The following SLC22A23 variants were observed in gnomAD, a reference collection of about 807,000 sequenced individuals.
The protein encoded by SLC22A23 is ion transporter protein.
SLC22A23 carries 26 observed loss-of-function variants against 61.0 expected under a neutral mutation model. The ratio of observed to expected loss-of-function variants is 0.43; its 90% CI spans 0.31 to 0.59. SLC22A23 has a LOEUF of 0.59. SLC22A23 is among the 20% of genes least tolerant of loss of function. The probability of loss-of-function intolerance (pLI) is 0.11; values close to 1 mark genes in which losing one functional copy is unlikely to be tolerated. For missense variants in SLC22A23, 796 were observed against 934.7 expected (o/e 0.85, Z 1.94); for synonymous variants, 430 against 413.9 (o/e 1.04, Z -0.47).
chr6:3,380,640 G>A (rs947520251), intron 3 of SLC22A23, among the ~76,000 whole-genome samples: 4 of 147,510 alleles, frequency 2.7e-5, no homozygotes, highest in Admixed American at 6.7e-5. Flanking sequence ...CTCACATTAA[G>A]TTATTAAAAA....
chr6:3,340,783 T>C (rs1581716126), intron 3 of SLC22A23, among the ~76,000 whole-genome samples: 1 of 152,144 alleles, frequency 6.6e-6, no homozygotes, highest in Non-Finnish European at 1.5e-5. Context: ...TGTCCTTAGG[T>C]ACTTGTGGGT....
At chr6:3,432,121 G>T in intron 1 of SLC22A23, 1 of 815,418 alleles carries the variant, frequency 1.2e-6, no homozygotes, top group Non-Finnish European at 1.5e-6. Context: ...AGGGGGCTGA[G>T]TAATCCCCAA....
rs1028194731 is a variant in SLC22A23, at chr6:3,297,369, G to A, written c.1210+722C>T. ...AGGGCAGTGAGTCAGAGCTTGGGCCGAGACCACCAGTGATCTTCAAACGGA... is the reference window on the plus strand; with the variant it reads ...AGGGCAGTGAGTCAGAGCTTGGGCCAAGACCACCAGTGATCTTCAAACGGA... On this transcript the variant is annotated intron_variant, in intron 5 of 9. Coordinates refer to ENST00000406686, the MANE Select transcript of SLC22A23 (RefSeq NM_015482.2). The surrounding 1 kb of genome is among the most constrained non-coding windows in gnomAD (Gnocchi z 4.3). 4.7e-4 allele frequency among the ~76,000 whole-genome samples: 72 copies of A among 152,254 alleles called. No individual in the cohort carries two copies. The highest frequency in any genetic ancestry group is 5.8e-4 in the East Asian group (3 of 5,186).
chr6:3,285,662 G>A (rs1308600703), intron 7 of SLC22A23, among the ~76,000 whole-genome samples: 1 of 152,230 alleles, frequency 6.6e-6, no homozygotes, highest in Non-Finnish European at 1.5e-5. Context: ...GGAGACAGGC[G>A]CCACGTGTGC....
chr6:3,370,138 A>T (rs890818837), intron 3 of SLC22A23, among the ~76,000 whole-genome samples: 1 of 152,016 alleles, frequency 6.6e-6, no homozygotes, highest in Non-Finnish European at 1.5e-5. Flanking sequence ...CTGGTTGGGA[A>T]TTTTTTTTCC....
rs559914108 is a variant in SLC22A23, at chr6:3,284,092, G to A, written c.1580-117C>T. On this transcript the variant is annotated intron_variant, in intron 8 of 9. Transcript: ENST00000406686. ...CCAGTGTCCAGCTTGCGGCATGGAT[G>A]GGTATGCAATTCCCTCTGGGGACCA... 2.4e-4 allele frequency: 258 copies of A among 1,061,168 alleles called. No homozygotes were observed. In the African/African-American group the frequency reaches 3.7e-3, roughly 15 times the overall value. The allele number at this position is 1,061,168 out of a possible 1,614,324, so 65.7% of individuals were successfully genotyped here. A position where few individuals can be genotyped will look rare whatever the true frequency, so the allele number is the denominator to read the frequency against.
At position 3,304,127 on chromosome 6, in the gene SLC22A23, C is replaced by T; in HGVS notation, c.1083-5909G>A. ...CTGGGCCCACGGAGCCCTTGCCCTT[C>T]AGGAGAAAAGTCTCTCCTTGTCCCA... On this transcript the variant is annotated intron_variant, in intron 4 of 9. Coordinates refer to ENST00000406686, the MANE Select transcript of SLC22A23 (RefSeq NM_015482.2). This position sits in a 1 kb window ranked among gnomAD's most constrained non-coding sequence, Gnocchi z 4.3. Among the ~76,000 whole-genome samples, 1 of 152,202 alleles carries T rather than the reference C, an allele frequency of 6.6e-6. No homozygotes were observed. The highest frequency in any genetic ancestry group is 1.5e-5 in the Non-Finnish European group (1 of 68,020).
chr6:3,280,554 G>T (rs1371799329), intron 9 of SLC22A23, among the ~76,000 whole-genome samples: 4 of 143,616 alleles, frequency 2.8e-5, no homozygotes, highest in African/African-American at 1.1e-4. Flanking sequence ...GGAGTGCAGT[G>T]GCGCGATCTC....
intron 1 of SLC22A23, chr6:3,432,097 G>A (rs1770903979): frequency 7.2e-6 from 4 of 557,128 alleles, no homozygotes; most frequent in Non-Finnish European, 9.1e-6. Context: ...TCTCTACCTT[G>A]GAAATTAGGT....
chr6:3,383,119 T>G (rs1382968618), intron 3 of SLC22A23, among the ~76,000 whole-genome samples: 6 of 152,144 alleles, frequency 3.9e-5, no homozygotes, highest in Admixed American at 3.9e-4. Context: ...AGCAGCATAT[T>G]CAGACAGCAG....
intron 9 of SLC22A23, among the ~76,000 whole-genome samples, chr6:3,281,457 A>AT (rs1197904506): frequency 2.6e-5 from 4 of 152,190 alleles, no homozygotes; most frequent in African/African-American, 4.8e-5. Flanking sequence ...GTATAAAAGC[A>AT]TTTTTTGAAC....
rs562772656 is a variant in SLC22A23, at chr6:3,293,922, C to T, written c.1211-4056G>A. Reference sequence around the variant, plus strand: ...CTCGGATCACACAGACTCAGCCGTGCATCCTGGCAATGCTGGGCAGGTTGG... The same window carrying T: ...CTCGGATCACACAGACTCAGCCGTGTATCCTGGCAATGCTGGGCAGGTTGG... On this transcript the variant is annotated intron_variant, in intron 5 of 9. Coordinates refer to ENST00000406686, the MANE Select transcript of SLC22A23 (RefSeq NM_015482.2). 2.0e-5 allele frequency among the ~76,000 whole-genome samples: 3 copies of T among 152,334 alleles called. No individual in the cohort carries two copies. In the East Asian group the frequency reaches 5.8e-4, roughly 29 times the overall value.
At chr6:3,281,788 C>G (rs193089280) in intron 9 of SLC22A23, among the ~76,000 whole-genome samples, 4 of 152,134 alleles carry the variant, frequency 2.6e-5, no homozygotes, top group Non-Finnish European at 5.9e-5. Flanking sequence ...AGGGATTTGT[C>G]AGGAACGCTA....
intron 3 of SLC22A23, among the ~76,000 whole-genome samples, chr6:3,382,821 C>T (rs775821182): frequency 6.6e-6 from 1 of 152,150 alleles, no homozygotes; most frequent in Non-Finnish European, 1.5e-5. Flanking sequence ...AGTATTATAG[C>T]AAGGGAAGGT....
chr6:3,446,450 C>G (rs948024088), intron 1 of SLC22A23, among the ~76,000 whole-genome samples: 1 of 152,162 alleles, frequency 6.6e-6, no homozygotes, highest in Admixed American at 6.5e-5. Flanking sequence ...AATTCTAGCC[C>G]CATGGTTTCA....
chr6:3,444,952 C>G (rs1461576492), intron 1 of SLC22A23: 6 of 985,490 alleles, frequency 6.1e-6, no homozygotes, highest in Non-Finnish European at 7.2e-6. Flanking sequence ...TCATCCCGGT[C>G]GTCCTCACCC....
intron 9 of SLC22A23, among the ~76,000 whole-genome samples, chr6:3,277,666 C>T (rs769358226): frequency 4.6e-5 from 7 of 152,224 alleles, no homozygotes; most frequent in Admixed American, 6.5e-5. Flanking sequence ...GGCTCCACTC[C>T]GTGTGCTGTC....
intron 1 of SLC22A23, among the ~76,000 whole-genome samples, chr6:3,421,278 A>C (rs1167085395): frequency 6.6e-6 from 1 of 152,170 alleles, no homozygotes; most frequent in Non-Finnish European, 1.5e-5. Flanking sequence ...CATTACTTTA[A>C]ATGGGGTCTA....
rs1461788647 is a variant in SLC22A23, at chr6:3,329,761, A to G, written c.914-5759T>C. Among the ~76,000 whole-genome samples, 5 of 152,142 alleles carry G rather than the reference A, an allele frequency of 3.3e-5. No individual in the cohort carries two copies. Among genetic ancestry groups the G allele is most frequent in the Non-Finnish European group, 5.9e-5 (4 of 68,020 alleles). On this transcript the variant is annotated intron_variant, in intron 3 of 9. Transcript: ENST00000406686. This position sits in a 1 kb window ranked among gnomAD's most constrained non-coding sequence, Gnocchi z 4.8. ...ATACTGAAGCCACGGAAGGCTTCCT[A>G]TGTGTCGCTGGCCTCACAGACATGA...
Sources: gnomAD v4.1 joint callset for allele counts (sites outside exome capture counted in the v4.1 genomes callset) on GRCh38, gnomAD v4.1.1 for gene constraint, Gnocchi (gnomAD v3.1) non-coding constraint, MANE v1.5 for transcripts, NCBI Gene and HGNC (gene_info 2026-07-23, HGNC 2026-07-21) for gene names.